Variants in GNL3L observed in about 807,000 individuals in gnomAD.
The protein encoded by GNL3L is guanine nucleotide-binding protein-like 3-like protein.
A neutral mutation model predicts 42.9 loss-of-function variants in GNL3L; 4 were observed. The observed-to-expected ratio is 0.09, with a 90% CI of 0.05 to 0.21. The LOEUF (loss-of-function observed/expected upper bound fraction) is 0.21, where lower values mean the gene tolerates loss of function less well. Among genes scored for constraint, GNL3L ranks in the 10% least tolerant of loss-of-function variants. The pLI, the probability that GNL3L is intolerant of heterozygous loss-of-function variation, is 1.00. For missense variants in GNL3L, 412 were observed against 481.7 expected (o/e 0.86, Z 1.36); for synonymous variants, 159 against 176.3 (o/e 0.90, Z 0.78).
chrX:54,583,174 C>CTATT (rs1057411461), intron 16 of GNL3L, among the ~76,000 whole-genome samples: 3 of 110,561 alleles, frequency 2.7e-5, no homozygotes, highest in Non-Finnish European at 5.7e-5. Flanking sequence ...TGATGAGGTC[C>CTATT]TATTTATTTA....
chrX:54,561,504 G>A lies in GNL3L; in HGVS notation c.*902G>A, dbSNP rs1483776060. 8.9e-6 allele frequency among the ~76,000 whole-genome samples: 1 copy of A among 112,384 alleles called. No individual in the cohort carries two copies. Among genetic ancestry groups the A allele is most frequent in the Non-Finnish European group, 1.9e-5 (1 of 53,272 alleles). The stretch of plus-strand genomic sequence containing the variant: ...AAGAGAACAAACAAGCCTGGCTTGT[G>A]CTGAAGTGTGGTAGGCACTACCCTG... On this transcript the variant is annotated 3_prime_UTR_variant, in exon 16 of 16. Transcript: ENST00000360845.
the GNL3L span, among the ~76,000 whole-genome samples, chrX:54,631,305 A>T: frequency 9.0e-6 from 1 of 111,079 alleles, no homozygotes; most frequent in African/African-American, 3.3e-5. Flanking sequence ...TTCTGTCTTG[A>T]TGACCTGTCT....
At chrX:54,631,471 G>A in the GNL3L span, among the ~76,000 whole-genome samples, 1 of 110,972 alleles carries the variant, frequency 9.0e-6, no homozygotes, top group Non-Finnish European at 1.9e-5. Flanking sequence ...ATATATTTGG[G>A]ATTGTGATAT....
chrX:54,544,004 AG>A (rs1170274884), intron 7 of GNL3L: 2 of 332,356 alleles, frequency 6.0e-6, no homozygotes, highest in Non-Finnish European at 1.0e-5. Context: ...ATTTTCCCTG[AG>A]GGAACAGAGG....
chrX:54,559,869 C>CT (rs897542125), intron 15 of GNL3L, among the ~76,000 whole-genome samples: 3 of 112,121 alleles, frequency 2.7e-5, no homozygotes, highest in African/African-American at 9.7e-5. Context: ...TGGCTCCACA[C>CT]TGAGTCCTGG....
At position 54,566,686 on chromosome X, in the gene GNL3L, T is replaced by C. The variant is rs1925437416; in HGVS notation, c.*6084T>C. ...ATTCTATTGTGTGTATATACCACAT[T>C]TTATTTATCCATTCATCCACTGATG... On this transcript the variant is annotated 3_prime_UTR_variant, in exon 16 of 16. Transcript: ENST00000360845. Among the ~76,000 whole-genome samples the C allele has an allele frequency of 8.9e-6, 1 of 112,596 alleles. No homozygotes were observed. The highest frequency in any genetic ancestry group is 1.9e-5 in the Non-Finnish European group (1 of 53,354).
intron 16 of GNL3L, among the ~76,000 whole-genome samples, chrX:54,597,392 T>C (rs1602004584): frequency 9.0e-6 from 1 of 111,273 alleles, no homozygotes; most frequent in Admixed American, 9.5e-5. Flanking sequence ...CCTTATCTTG[T>C]GTGGCTGATC....
At chrX:54,625,451 T>G (rs1440243610), downstream of GNL3L, among the ~76,000 whole-genome samples, 6 of 110,797 alleles carry the variant, frequency 5.4e-5, no homozygotes, top group Non-Finnish European at 1.1e-4. Flanking sequence ...TTTGTTCTAT[T>G]AATGTAGTGT....
chrX:54,590,354 T>C (rs550907609), intron 16 of GNL3L, among the ~76,000 whole-genome samples: 1 of 112,625 alleles, frequency 8.9e-6, no homozygotes, highest in African/African-American at 3.2e-5. Flanking sequence ...GTATATGTCT[T>C]CTTTTGAGAA....
chrX:54,554,194 G>C (rs1925019736), intron 13 of GNL3L, among the ~76,000 whole-genome samples: 1 of 111,147 alleles, frequency 9.0e-6, no homozygotes, highest in Non-Finnish European at 1.9e-5. Context: ...CAAGGGGCCA[G>C]AGAGAGGAGG....
rs1557200532 is a variant in GNL3L, at chrX:54,607,082, C to CTTTCTTTCTTTCTTTCTTTCT, written c.*46-13761_*46-13760insTCTTTCTTTCTTTCTTTCTTT. 3.2e-4 allele frequency among the ~76,000 whole-genome samples: 7 copies of CTTTCTTTCTTTCTTTCTTTCT among 21,991 alleles called. 1 individual carries two copies. The highest frequency in any genetic ancestry group is 8.2e-4 in the African/African-American group (7 of 8,510). The allele number at this position is 21,991 out of a possible 115,157, so 19.1% of individuals were successfully genotyped here. ...TTTCTTTCTTTCTTTCTCTTTCTTTCTTCTTTCTTTCTTTCTTTCTTTCTT... is the reference window on the plus strand; with the variant it reads ...TTTCTTTCTTTCTTTCTCTTTCTTTCTTTCTTTCTTTCTTTCTTTCTTTCTTTCTTTCTTTCTTTCTTTCTT... On this transcript the variant is annotated intron_variant, in intron 16 of 16. Coordinates refer to the GNL3L transcript ENST00000674498.
chrX:54,541,836 G>C (rs774119294), intron 5 of GNL3L, among the ~76,000 whole-genome samples: 34 of 111,514 alleles, frequency 3.0e-4, no homozygotes, highest in Non-Finnish European at 4.9e-4. Context: ...ACGCTTGCCA[G>C]CTCATACTCC....
chrX:54,624,357 C>T (rs113247570), downstream of GNL3L, among the ~76,000 whole-genome samples: 1,138 of 110,365 alleles, frequency 0.01, 19 homozygotes, highest in African/African-American at 0.035. Context: ...AAACAACAGA[C>T]ATTTATTTTC....
chrX:54,600,206 CTTTTTTT>C (rs1172527598), intron 16 of GNL3L, among the ~76,000 whole-genome samples: 59 of 13,372 alleles, frequency 4.4e-3, no homozygotes, highest in African/African-American at 0.017. Context: ...CAATCTGCTG[CTTTTTTT>C]TTTTTTTTTT....
chrX:54,590,042 C>A (rs780572032), intron 16 of GNL3L, among the ~76,000 whole-genome samples: 5 of 110,372 alleles, frequency 4.5e-5, no homozygotes, highest in African/African-American at 1.7e-4. Flanking sequence ...CAGGTTCAAG[C>A]GATTCTCCTG....
rs1482851446 is a variant in GNL3L at position 54,565,754 on chromosome X, A to T, written c.*5152A>T. Among the ~76,000 whole-genome samples the T allele has an allele frequency of 9.2e-6, 1 of 109,285 alleles. No individual in the cohort carries two copies. The highest frequency in any genetic ancestry group is 3.3e-5 in the African/African-American group (1 of 30,062). 94.9% of individuals were successfully genotyped at this position (109,285 alleles called of 115,157 possible). On this transcript the variant is annotated 3_prime_UTR_variant, in exon 16 of 16. Transcript: ENST00000360845. The stretch of plus-strand genomic sequence containing the variant: ...ACATATCTTCTTTGGCAAGGTGTTC[A>T]CATCTCTTGCATATTTTGGATTGTT...
At chrX:54,631,208 A>G in the GNL3L span, among the ~76,000 whole-genome samples, 1 of 111,658 alleles carries the variant, frequency 9.0e-6, no homozygotes, top group African/African-American at 3.3e-5. Flanking sequence ...TGTGTATTCT[A>G]AAGTTGTTGG....
At chrX:54,603,603 G>A (rs1225721288) in intron 16 of GNL3L, among the ~76,000 whole-genome samples, 1 of 111,766 alleles carries the variant, frequency 8.9e-6, no homozygotes, top group African/African-American at 3.3e-5. Flanking sequence ...CTGATATGAT[G>A]TACTGTGAAG....
At position 54,592,814 on chromosome X, in the gene GNL3L, C is replaced by CA. The variant is rs1263845353; in HGVS notation, c.*46-28018dup. ...TGGGTGACACAGTGAAACCCTGTCTCAAAAAAAAAAAAACAAAAAGATGTT... is the reference window on the plus strand; with the variant it reads ...TGGGTGACACAGTGAAACCCTGTCTCAAAAAAAAAAAAAACAAAAAGATGTT... On this transcript the variant is annotated intron_variant, in intron 16 of 16. Coordinates refer to the GNL3L transcript ENST00000674498. Among the ~76,000 whole-genome samples, 299 of 80,021 alleles carry CA rather than the reference C, an allele frequency of 3.7e-3. 1 individual carries two copies. The highest frequency in any genetic ancestry group is 0.013 in the South Asian group (23 of 1,838). The allele number at this position is 80,021 out of a possible 115,157, so 69.5% of individuals were successfully genotyped here. A position where few individuals can be genotyped will look rare whatever the true frequency, so the allele number is the denominator to read the frequency against.
Sources: allele counts gnomAD v4.1 joint callset (sites outside exome capture counted in the v4.1 genomes callset), GRCh38; gene constraint gnomAD v4.1.1; transcripts MANE v1.5; gene names NCBI Gene and HGNC (gene_info 2026-07-23, HGNC 2026-07-21).